Variants in LNX1 observed in about 807,000 individuals in gnomAD.
The protein encoded by LNX1 is ligand of numb-protein X 1.
In LNX1, 54 loss-of-function variants were observed where a neutral mutation model predicts 68.4. The observed-to-expected ratio is 0.79, with a 90% CI of 0.63 to 0.99. The LOEUF (loss-of-function observed/expected upper bound fraction) is 0.99. LNX1 is among the 50% of genes least tolerant of loss of function. The probability of loss-of-function intolerance (pLI) is 0.00; values close to 1 mark genes in which losing one functional copy is unlikely to be tolerated. For synonymous variants in LNX1, 336 were observed against 350.0 expected (o/e 0.96, Z 0.45); for missense variants, 906 against 926.4 (o/e 0.98, Z 0.29).
intron 6 of LNX1, among the ~76,000 whole-genome samples, chr4:53,485,243 G>A (rs536662068): frequency 6.6e-6 from 1 of 152,310 alleles, no homozygotes; most frequent in South Asian, 2.1e-4. Context: ...TACTGAGCTC[G>A]AATTTGCTCT....
At chr4:53,527,680 C>T (rs1425391565) in intron 2 of LNX1, among the ~76,000 whole-genome samples, 1 of 152,162 alleles carries the variant, frequency 6.6e-6, no homozygotes, top group Non-Finnish European at 1.5e-5. Flanking sequence ...AACTTTGCAC[C>T]CTCACTGGAT....
chr4:53,490,767 G>T (rs1399304986), intron 6 of LNX1, among the ~76,000 whole-genome samples: 2 of 152,194 alleles, frequency 1.3e-5, no homozygotes, highest in South Asian at 4.1e-4. Context: ...CTCAACATTT[G>T]AAGGGTATTT....
chr4:53,463,971 A>G (rs1424072681), intron 9 of LNX1, among the ~76,000 whole-genome samples: 2 of 152,152 alleles, frequency 1.3e-5, no homozygotes, highest in Admixed American at 1.3e-4. Flanking sequence ...TAATAAACCA[A>G]GTGCATCAGC....
At chr4:53,504,138 CA>C (rs951385542) in intron 4 of LNX1, among the ~76,000 whole-genome samples, 3 of 147,080 alleles carry the variant, frequency 2.0e-5, no homozygotes, top group Non-Finnish European at 3.0e-5. Context: ...GACTCCGTCT[CA>C]AAAAAAAAAG....
In LNX1 at chr4:53,460,938, G is replaced by GTT. The variant is rs759086035; in HGVS notation, c.2154_2155dup (p.Thr719LysfsTer30). On this transcript the variant is annotated frameshift_variant, in exon 11 of 11. Coordinates refer to ENST00000263925, the MANE Select transcript of LNX1 (RefSeq NM_001126328.3). LOFTEE classifies it high-confidence loss of function. Reference sequence around the variant, plus strand: ...AAAAGTGCCAGGCCAAGAAACAATAGTTAGAGTAATTCTTCCTTTAAGTTC... The same window carrying GTT: ...AAAAGTGCCAGGCCAAGAAACAATAGTTTTAGAGTAATTCTTCCTTTAAGTTC... The GTT allele has an allele frequency of 1.1e-5, 17 of 1,610,268 alleles. No homozygotes were observed. Among genetic ancestry groups the GTT allele is most frequent in the Admixed American group, 3.4e-5 (2 of 59,460 alleles).
At chr4:53,624,441 A>G (rs1175388366) in intron 1 of LNX1, among the ~76,000 whole-genome samples, 1 of 152,178 alleles carries the variant, frequency 6.6e-6, no homozygotes, top group Non-Finnish European at 1.5e-5. Flanking sequence ...CATGTAAGAC[A>G]TGTCTTTCGC....
intron 2 of LNX1, among the ~76,000 whole-genome samples, chr4:53,547,404 A>G (rs7680687): frequency 0.18 from 27,597 of 152,148 alleles, 2,725 homozygotes; most frequent in East Asian, 0.37. Flanking sequence ...AGGTGAGAAA[A>G]GCTCAGAGAA....
At chr4:53,554,106 G>C (rs1729713376) in intron 2 of LNX1, among the ~76,000 whole-genome samples, 1 of 152,242 alleles carries the variant, frequency 6.6e-6, no homozygotes, top group African/African-American at 2.4e-5. Context: ...GGTGGAGACT[G>C]TTAGGGAGAG....
At chr4:53,466,697 AC>A (rs2150561264) in intron 9 of LNX1, among the ~76,000 whole-genome samples, 1 of 152,326 alleles carries the variant, frequency 6.6e-6, no homozygotes, top group East Asian at 1.9e-4. Flanking sequence ...TATATCCCGC[AC>A]CTGGCTCGGA....
intron 2 of LNX1, among the ~76,000 whole-genome samples, chr4:53,510,529 AC>A (rs1180185924): frequency 2.6e-5 from 4 of 152,378 alleles, no homozygotes; most frequent in African/African-American, 9.6e-5. Flanking sequence ...GTTTTACTGT[AC>A]CGATTAGCTG....
rs149709751 is a variant in LNX1, at chr4:53,608,995, C to T, written c.-215+7522G>A. On this transcript the variant is annotated intron_variant, in intron 2 of 3. Transcript: ENST00000504299. ...AGGGAGGAGGGTGAGAATCAGAATA[C>T]CCAACTTCAAACCATACTACAAGGC... 8.8e-3 allele frequency among the ~76,000 whole-genome samples: 1,338 copies of T among 152,108 alleles called. 18 individuals are homozygous for T. Among genetic ancestry groups the T allele is most frequent in the African/African-American group, 0.028 (1,180 of 41,530 alleles).
intron 1 of LNX1, among the ~76,000 whole-genome samples, chr4:53,631,366 G>C (rs992908175): frequency 5.9e-5 from 9 of 152,114 alleles, no homozygotes; most frequent in Admixed American, 1.3e-4. Flanking sequence ...AGCAGAAAGA[G>C]ACCTGCTAAA....
At chr4:53,537,449 G>A (rs1000406780) in intron 2 of LNX1, among the ~76,000 whole-genome samples, 2 of 152,188 alleles carry the variant, frequency 1.3e-5, no homozygotes, top group Non-Finnish European at 2.9e-5. Context: ...CTACCAACAG[G>A]TGGCCAGATG....
At position 53,508,118 on chromosome 4, in the gene LNX1, C is replaced by A; in HGVS notation, c.490G>T (p.Val164Phe). 6.2e-7 allele frequency: 1 copy of A among 1,614,178 alleles called. No homozygotes were observed. The highest frequency in any genetic ancestry group is 8.5e-7 in the Non-Finnish European group (1 of 1,180,030). Residue 164 changes from valine (V) to phenylalanine (F), a missense_variant, in exon 3 of 11, where the codon GTT becomes TTT. Physicochemically the swap from Val to Phe is conservative, Grantham distance 50 (BLOSUM62 -1). Coordinates refer to ENST00000263925, the MANE Select transcript of LNX1 (RefSeq NM_001126328.3). ...SLTATAPSPE[V>F]SAAATISLMT... ...AAGGAGATGGTGGCAGCTGCAGAAA[C>A]CTCTGGGGAGGGAGCCGTGGCTGTG...
intron 2 of LNX1, among the ~76,000 whole-genome samples, chr4:53,614,428 C>G (rs568710395): frequency 6.6e-6 from 1 of 152,158 alleles, no homozygotes; most frequent in Non-Finnish European, 1.5e-5. Context: ...ACCTCTATCC[C>G]TTCTCATCCA....
intron 2 of LNX1, among the ~76,000 whole-genome samples, chr4:53,599,182 A>T (rs976616748): frequency 1.3e-5 from 2 of 152,216 alleles, no homozygotes; most frequent in Non-Finnish European, 2.9e-5. Flanking sequence ...CTGCATTCCC[A>T]GACAGTTATG....
intron 2 of LNX1, among the ~76,000 whole-genome samples, chr4:53,547,635 C>G (rs1160384334): frequency 6.6e-6 from 1 of 152,140 alleles, no homozygotes; most frequent in African/African-American, 2.4e-5. Context: ...GGAAGAAAGT[C>G]GGGAAGGGCT....
intron 2 of LNX1, among the ~76,000 whole-genome samples, chr4:53,614,468 T>A (rs1238965658): frequency 6.6e-6 from 1 of 152,184 alleles, no homozygotes; most frequent in African/African-American, 2.4e-5. Flanking sequence ...ACCCCCACAC[T>A]AACCTTTCTA....
intron 2 of LNX1, among the ~76,000 whole-genome samples, chr4:53,535,203 A>T (rs1728284203): frequency 6.6e-6 from 1 of 152,240 alleles, no homozygotes; most frequent in Admixed American, 6.5e-5. Context: ...TGCTGTTTCC[A>T]TTACAAACTA....
Sources: allele counts gnomAD v4.1 joint callset (sites outside exome capture counted in the v4.1 genomes callset), GRCh38; gene constraint gnomAD v4.1.1; transcripts MANE v1.5; gene names NCBI Gene and HGNC (gene_info 2026-07-23, HGNC 2026-07-21).